LYRM4: variants seen among roughly 807,000 people sequenced by gnomAD.
The protein encoded by LYRM4 is LYR motif containing 4, also known as LYR motif-containing protein 4.
In LYRM4, 9 loss-of-function variants were observed where a neutral mutation model predicts 11.7. The ratio of observed to expected loss-of-function variants is 0.77; its 90% CI spans 0.46 to 1.34. The LOEUF (loss-of-function observed/expected upper bound fraction) is 1.34. Among genes scored for constraint, LYRM4 ranks in the 40% most tolerant of loss-of-function variants. The pLI, the probability that LYRM4 is intolerant of heterozygous loss-of-function variation, is 0.00. For missense variants in LYRM4, 133 were observed against 112.5 expected, an observed-to-expected ratio of 1.18 and a Z score of -0.82; for synonymous variants, 42 against 40.4, an observed-to-expected ratio of 1.04 and a Z score of -0.15.
At chr6:5,066,618 G>A in the LYRM4 span, 1 of 1,205,690 alleles carries the variant, frequency 8.3e-7, no homozygotes, top group Non-Finnish European at 1.2e-6. Context: ...ACTTTCAAGG[G>A]CAACCACTTT....
At chr6:5,151,162 C>T (rs187262274) in intron 2 of LYRM4, among the ~76,000 whole-genome samples, 134 of 150,498 alleles carry the variant, frequency 8.9e-4, no homozygotes, top group African/African-American at 3.1e-3. Context: ...TGGCTCACTG[C>T]AACCTCCGCC....
chr6:5,260,606 C>G, intron 1 of LYRM4, 42 bp downstream of exon 1: 2 of 1,231,378 alleles, frequency 1.6e-6, no homozygotes, highest in Non-Finnish European at 2.3e-6. Flanking sequence ...GGTCCCCGGC[C>G]CCTGGCCCCC....
the LYRM4 span, among the ~76,000 whole-genome samples, chr6:5,071,972 C>T: frequency 2.0e-5 from 3 of 152,106 alleles, no homozygotes; most frequent in Non-Finnish European, 1.5e-5. Flanking sequence ...GATCCTCTCC[C>T]TCTTCCCACC....
chr6:5,161,608 G>T (rs1205756963), intron 2 of LYRM4, among the ~76,000 whole-genome samples: 1 of 152,194 alleles, frequency 6.6e-6, no homozygotes, highest in Non-Finnish European at 1.5e-5. Flanking sequence ...TATGAAATAT[G>T]TAAATATCTC....
chr6:5,182,591 T>C (rs1042674441), intron 2 of LYRM4, among the ~76,000 whole-genome samples: 5 of 152,236 alleles, frequency 3.3e-5, no homozygotes, highest in African/African-American at 1.2e-4. Flanking sequence ...TAGTTGTATA[T>C]CATACACATC....
intron 2 of LYRM4, among the ~76,000 whole-genome samples, chr6:5,142,294 G>A (rs1757450832): frequency 6.6e-6 from 1 of 152,126 alleles, no homozygotes; most frequent in African/African-American, 2.4e-5. Flanking sequence ...GGAAGCCCAG[G>A]TTACAGTGAG....
chr6:5,060,530 C>T, the LYRM4 span, among the ~76,000 whole-genome samples: 1 of 149,812 alleles, frequency 6.7e-6, no homozygotes, highest in Non-Finnish European at 1.5e-5. Context: ...GACAAAGTCT[C>T]ACTGTGTCAC....
intron 2 of LYRM4, among the ~76,000 whole-genome samples, chr6:5,191,327 G>A (rs554207453): frequency 6.6e-6 from 1 of 152,304 alleles, no homozygotes; most frequent in African/African-American, 2.4e-5. Context: ...GTCCAGGCAG[G>A]GTGGATGATT....
intron 2 of LYRM4, among the ~76,000 whole-genome samples, chr6:5,182,781 G>C (rs992602827): frequency 1.2e-4 from 18 of 152,198 alleles, no homozygotes; most frequent in African/African-American, 4.3e-4. Flanking sequence ...TATAACACCT[G>C]AATTACTAGT....
At chr6:5,153,745 C>T (rs1165513334) in intron 2 of LYRM4, among the ~76,000 whole-genome samples, 1 of 152,172 alleles carries the variant, frequency 6.6e-6, no homozygotes, top group Non-Finnish European at 1.5e-5. Context: ...CGGTGCTCGA[C>T]ACATAAAGTA....
chr6:5,203,605 A>C (rs1441579674), intron 2 of LYRM4, among the ~76,000 whole-genome samples: 1 of 152,078 alleles, frequency 6.6e-6, no homozygotes, highest in Admixed American at 6.5e-5. Flanking sequence ...GATTCTATTC[A>C]GGTGGATATT....
At chr6:5,076,928 AGG>A in the LYRM4 span, among the ~76,000 whole-genome samples, 1 of 152,218 alleles carries the variant, frequency 6.6e-6, no homozygotes, top group Admixed American at 6.5e-5. Context: ...CAACCACTCA[AGG>A]TGATACAATA....
Position 5,108,989 on chromosome 6 carries a change from G to A in LYRM4, c.*434C>T. Reference sequence around the variant, plus strand: ...TCTCAGAGTTGAACCCTCCCTGAGGGCCCCCAACAGCCCTCTCCAGGCCTT... The same window carrying A: ...TCTCAGAGTTGAACCCTCCCTGAGGACCCCCAACAGCCCTCTCCAGGCCTT... On this transcript the variant is annotated 3_prime_UTR_variant, in exon 3 of 3. Transcript: ENST00000330636. The A allele has an allele frequency of 1.0e-6, 1 of 1,000,946 alleles. No individual in the cohort carries two copies. The highest frequency in any genetic ancestry group is 4.3e-5 in the South Asian group (1 of 23,040). 62.0% of individuals were successfully genotyped at this position (1,000,946 alleles called of 1,614,324 possible).
At chr6:5,169,958 G>A (rs748318245) in intron 2 of LYRM4, among the ~76,000 whole-genome samples, 24 of 152,210 alleles carry the variant, frequency 1.6e-4, no homozygotes, top group Non-Finnish European at 3.4e-4. Context: ...TTACGGACAA[G>A]GTACAAACAC....
chr6:5,260,674 G>T lies in LYRM4; in HGVS notation c.60C>A (p.Ser20Arg). The change falls in exon 1 of 3, where the codon AGC (serine) becomes AGA (arginine). Residue 20 changes from serine (S) to arginine (R), a missense_variant. Transcript: ENST00000330636. ...LSLYRAMLRESKRFSAYNYRT... is the reference protein window; with the variant it reads ...LSLYRAMLRERKRFSAYNYRT... The stretch of plus-strand genomic sequence containing the variant: ...TGTAATTGTAGGCGCTGAAACGCTT[G>T]CTCTCTCTCAGCATCGCCCGGTACA... 6.5e-7 allele frequency: 1 copy of T among 1,548,558 alleles called. No individual in the cohort carries two copies. The highest frequency in any genetic ancestry group is 8.7e-7 in the Non-Finnish European group (1 of 1,148,112).
intron 1 of LYRM4, among the ~76,000 whole-genome samples, chr6:5,217,063 G>A (rs1361823318): frequency 6.6e-6 from 1 of 152,222 alleles, no homozygotes; most frequent in Admixed American, 6.5e-5. Flanking sequence ...TTAGTGTACA[G>A]AGACAAATCA....
intron 2 of LYRM4, chr6:5,113,326 G>A (rs1447933066): frequency 1.8e-5 from 8 of 449,708 alleles, no homozygotes; most frequent in South Asian, 1.3e-4. Context: ...TCAGGAGGCT[G>A]AGGCAGAAGA....
the LYRM4 span, chr6:5,085,733 G>C: frequency 1.9e-6 from 3 of 1,543,050 alleles, no homozygotes; most frequent in East Asian, 4.9e-5. Context: ...TGCCGCGCGC[G>C]CTCCTTTTCC....
chr6:5,038,885 AGAGAGAGGGAGAGGGAGAGGGAGAGG>A, the LYRM4 span, among the ~76,000 whole-genome samples: 1 of 7,438 alleles, frequency 1.3e-4, no homozygotes, highest in African/African-American at 3.6e-4. Flanking sequence ...CCGTGGAGGG[AGAGAGAGGGAGAGGGAGAGGGAGAGG>A]GAGAGGGAGA....
Sources: gnomAD v4.1 joint callset for allele counts (sites outside exome capture counted in the v4.1 genomes callset) on GRCh38, gnomAD v4.1.1 for gene constraint, MANE v1.5 for transcripts, NCBI Gene and HGNC (gene_info 2026-07-23, HGNC 2026-07-21) for gene names.